Variants in DIS3L2 observed in about 807,000 individuals in gnomAD.
DIS3L2 encodes the protein DIS3-like exonuclease 2.
Under a neutral mutation model 97.5 loss-of-function variants are expected in DIS3L2, and 34 were observed. That is an observed-to-expected ratio of 0.35 (90% CI 0.27 to 0.46). The LOEUF (loss-of-function observed/expected upper bound fraction) is 0.46, where lower values mean the gene tolerates loss of function less well. Among genes scored for constraint, DIS3L2 ranks in the 20% least tolerant of loss-of-function variants. The pLI is 1.00. For missense variants in DIS3L2, 1,038 were observed against 1,146.0 expected, an observed-to-expected ratio of 0.91 and a Z score of 1.36; for synonymous variants, 435 against 445.2, an observed-to-expected ratio of 0.98 and a Z score of 0.29.
chr2:231,980,049 T>G (rs1254282678), intron 1 of DIS3L2, among the ~76,000 whole-genome samples: 1 of 152,202 alleles, frequency 6.6e-6, no homozygotes, highest in East Asian at 1.9e-4. Flanking sequence ...CAATTTCCAG[T>G]TGAATATCAT....
chr2:232,091,557 G>A (rs1178825084), intron 6 of DIS3L2, among the ~76,000 whole-genome samples: 2 of 152,092 alleles, frequency 1.3e-5, no homozygotes, highest in East Asian at 1.9e-4. Flanking sequence ...TTTGTCTGTT[G>A]ATGGACACGT....
intron 5 of DIS3L2, among the ~76,000 whole-genome samples, chr2:232,070,731 C>T (rs190691049): frequency 1.3e-5 from 2 of 152,132 alleles, no homozygotes; most frequent in Admixed American, 6.5e-5. Context: ...ACTACAGGCG[C>T]GTACCACCAC....
intron 8 of DIS3L2, among the ~76,000 whole-genome samples, chr2:232,149,667 G>A (rs1479992974): frequency 5.6e-5 from 3 of 53,340 alleles, no homozygotes; most frequent in Admixed American, 2.3e-4. Flanking sequence ...ACGTGTGCAT[G>A]TGTCTCTATA....
intron 6 of DIS3L2, among the ~76,000 whole-genome samples, chr2:232,102,998 TTTGAG>T (rs772726479): frequency 1.2e-4 from 18 of 152,248 alleles, no homozygotes; most frequent in East Asian, 1.2e-3. Context: ...TTTTAACTTA[TTTGAG>T]TTAACAGTGG....
chr2:232,275,292 A>G (rs1006927746), intron 13 of DIS3L2, among the ~76,000 whole-genome samples: 13 of 152,254 alleles, frequency 8.5e-5, no homozygotes, highest in Middle Eastern at 3.4e-3. Flanking sequence ...CCCTGCCTGC[A>G]TTCTTGACTA....
intron 19 of DIS3L2, chr2:232,335,284 TAC>T (rs773009498): frequency 3.2e-4 from 59 of 184,512 alleles, no homozygotes; most frequent in South Asian, 1.8e-3. Flanking sequence ...GCCCTGGGAG[TAC>T]AGTGTCCAGC....
At chr2:232,334,027 C>A in intron 17 of DIS3L2, 40 bp downstream of exon 17, 1 of 1,577,872 alleles carries the variant, frequency 6.3e-7, no homozygotes, top group Non-Finnish European at 8.6e-7. Context: ...CCTGGGCCAG[C>A]TCAGGGCTGC....
intron 8 of DIS3L2, among the ~76,000 whole-genome samples, chr2:232,137,488 GA>G (rs933990955): frequency 2.0e-5 from 3 of 152,304 alleles, no homozygotes; most frequent in African/African-American, 7.2e-5. Flanking sequence ...ATCTAGAAAA[GA>G]GCCTGTTGAT....
intron 1 of DIS3L2, among the ~76,000 whole-genome samples, chr2:231,971,066 A>C (rs1574774083): frequency 6.6e-6 from 1 of 152,200 alleles, no homozygotes; most frequent in Admixed American, 6.5e-5. Context: ...GGGGCAGTAC[A>C]TGCATGGAGC....
chr2:232,342,136 CAT>C (rs1234183488), downstream of DIS3L2, among the ~76,000 whole-genome samples: 1 of 151,762 alleles, frequency 6.6e-6, no homozygotes, highest in African/African-American at 2.4e-5. Flanking sequence ...TATATATACA[CAT>C]ATACATATAT....
In DIS3L2 at chr2:232,320,988, C is replaced by T. The variant is rs80235082; in HGVS notation, c.1740-8825C>T. 1.6e-3 allele frequency among the ~76,000 whole-genome samples: 244 copies of T among 152,264 alleles called. 2 individuals carry two copies. The highest frequency in any genetic ancestry group is 5.8e-3 in the African/African-American group (240 of 41,544). On this transcript the variant is annotated intron_variant, in intron 14 of 20. Coordinates refer to ENST00000325385, the MANE Select transcript of DIS3L2 (RefSeq NM_152383.5). The stretch of plus-strand genomic sequence containing the variant: ...AGATGTGTGAACTGAACCTGTACAG[C>T]CCCACGAGTTGCTGAGTGGAGAAGG...
At chr2:232,006,141 C>T (rs1294506261) in intron 1 of DIS3L2, among the ~76,000 whole-genome samples, 1 of 152,096 alleles carries the variant, frequency 6.6e-6, no homozygotes, top group Non-Finnish European at 1.5e-5. Context: ...GAGCCAAGAT[C>T]GTGTCACTGC....
chr2:232,334,070 A>T, intron 17 of DIS3L2, 83 bp downstream of exon 17: 1 of 1,518,966 alleles, frequency 6.6e-7, no homozygotes, highest in Non-Finnish European at 8.8e-7. Flanking sequence ...GTGGCCCAAG[A>T]CCATTCTGCC....
intron 10 of DIS3L2, among the ~76,000 whole-genome samples, chr2:232,235,816 A>G (rs1191200792): frequency 1.3e-5 from 2 of 152,240 alleles, no homozygotes; most frequent in African/African-American, 4.8e-5. Flanking sequence ...AAGTTGAGCC[A>G]TCTGAGACTC....
At chr2:231,986,436 A>C (rs1041040433) in intron 1 of DIS3L2, among the ~76,000 whole-genome samples, 1 of 152,154 alleles carries the variant, frequency 6.6e-6, no homozygotes, top group Non-Finnish European at 1.5e-5. Flanking sequence ...CAATTTTGTC[A>C]ATTCGCCTAG....
At chr2:232,132,299 G>T (rs1341271642) in intron 7 of DIS3L2, among the ~76,000 whole-genome samples, 1 of 152,178 alleles carries the variant, frequency 6.6e-6, no homozygotes, top group African/African-American at 2.4e-5. Context: ...TATATGAATT[G>T]CAAGTAATGT....
intron 9 of DIS3L2, among the ~76,000 whole-genome samples, chr2:232,164,559 G>A (rs1690747219): frequency 6.6e-6 from 1 of 151,984 alleles, no homozygotes; most frequent in Non-Finnish European, 1.5e-5. Flanking sequence ...TTCAGCTCTG[G>A]GTGCCTGTTA....
At chr2:232,173,207 C>A (rs1387909921) in intron 9 of DIS3L2, among the ~76,000 whole-genome samples, 1 of 151,996 alleles carries the variant, frequency 6.6e-6, no homozygotes, top group Non-Finnish European at 1.5e-5. Flanking sequence ...AAACCATTGG[C>A]GAAGATCACA....
chr2:231,998,576 G>A (rs1375375627), intron 1 of DIS3L2, among the ~76,000 whole-genome samples: 1 of 151,944 alleles, frequency 6.6e-6, no homozygotes, highest in African/African-American at 2.4e-5. Context: ...GATTAAGGTG[G>A]GTCTGCCAGA....
Sources: gnomAD v4.1 joint callset for allele counts (sites outside exome capture counted in the v4.1 genomes callset) on GRCh38, gnomAD v4.1.1 for gene constraint, MANE v1.5 for transcripts, NCBI Gene and HGNC (gene_info 2026-07-23, HGNC 2026-07-21) for gene names.